The following SLC35F4 variants were observed in gnomAD, a reference collection of about 807,000 sequenced individuals.
SLC35F4 encodes chromosome 14 open reading frame 36.
SLC35F4 carries 24 observed loss-of-function variants against 44.2 expected under a neutral mutation model. The observed-to-expected ratio is 0.54, with a 90% CI of 0.39 to 0.76. SLC35F4 has a LOEUF of 0.76. SLC35F4 is among the 30% of genes least tolerant of loss of function. The probability of loss-of-function intolerance (pLI) is 0.00; values close to 1 mark genes in which losing one functional copy is unlikely to be tolerated. For synonymous variants in SLC35F4, 238 were observed against 223.6 expected (o/e 1.06, Z -0.57); for missense variants, 562 against 586.1 (o/e 0.96, Z 0.42).
intron 1 of SLC35F4, among the ~76,000 whole-genome samples, chr14:57,720,361 G>A (rs2076053191): frequency 6.6e-6 from 1 of 152,064 alleles, no homozygotes; most frequent in African/African-American, 2.4e-5. Flanking sequence ...TGAGTTTGGA[G>A]TATTCCTTCC....
intron 1 of SLC35F4, among the ~76,000 whole-genome samples, chr14:57,943,836 T>C (rs542209346): frequency 6.6e-6 from 1 of 152,336 alleles, no homozygotes; most frequent in East Asian, 1.9e-4. Context: ...TCACTCTGCA[T>C]CATCTCTGTA....
intron 1 of SLC35F4, among the ~76,000 whole-genome samples, chr14:57,895,922 G>A (rs1888860113): frequency 1.3e-5 from 2 of 152,046 alleles, no homozygotes; most frequent in African/African-American, 2.4e-5. Flanking sequence ...TCACACTGAT[G>A]GAAGGTAGTA....
chr14:57,917,552 A>G (rs1273341198), intron 1 of SLC35F4, among the ~76,000 whole-genome samples: 1 of 152,048 alleles, frequency 6.6e-6, no homozygotes, highest in Non-Finnish European at 1.5e-5. Flanking sequence ...ATTTTACTGA[A>G]AGGCAGACAT....
At chr14:57,570,162 CATATGAA>C (rs1354303552) in intron 5 of SLC35F4, among the ~76,000 whole-genome samples, 182 bp from the exon 6 acceptor site, 1 of 152,186 alleles carries the variant, frequency 6.6e-6, no homozygotes, top group African/African-American at 2.4e-5. Context: ...CCATAGCCTT[CATATGAA>C]ATAGCAAATG....
chr14:57,910,861 CA>C (rs1254915667), intron 1 of SLC35F4, among the ~76,000 whole-genome samples: 1 of 151,816 alleles, frequency 6.6e-6, no homozygotes, highest in Non-Finnish European at 1.5e-5. Flanking sequence ...TAAAGTTGGA[CA>C]AAAAGTGACA....
chr14:57,946,047 G>A (rs780018738), intron 1 of SLC35F4, among the ~76,000 whole-genome samples: 4 of 152,100 alleles, frequency 2.6e-5, no homozygotes, highest in Non-Finnish European at 2.9e-5. Context: ...CGCATAGTTT[G>A]CAAATAATTT....
At chr14:57,613,446 A>G (rs1223492488) in intron 1 of SLC35F4, among the ~76,000 whole-genome samples, 39 of 152,146 alleles carry the variant, frequency 2.6e-4, no homozygotes, top group Admixed American at 2.6e-3. Context: ...GTCCTCCCCC[A>G]ACAATGGGTC....
At chr14:57,815,613 C>T (rs1379256836) in intron 1 of SLC35F4, among the ~76,000 whole-genome samples, 2 of 152,176 alleles carry the variant, frequency 1.3e-5, no homozygotes, top group African/African-American at 4.8e-5. Context: ...ACCTCTGATG[C>T]TTGCCTAGCT....
At chr14:57,580,610 C>A in intron 4 of SLC35F4, 1 of 256,970 alleles carries the variant, frequency 3.9e-6, no homozygotes, top group South Asian at 3.7e-5. Context: ...AAGGAATAAA[C>A]TCAGAACTGA....
chr14:57,937,582 AAAAGAAAGAAAAGAAAAGAAAAG>A lies in SLC35F4; in HGVS notation n.282+44308_282+44330del, dbSNP rs1490544192. On this transcript the variant is annotated intron_variant and non_coding_transcript_variant, in intron 1 of 1. Transcript: ENST00000556568. ...AAGAAAAGAAAAGAAAAGAGAAAAG[AAAAGAAAGAAAAGAAAAGAAAAG>A]AAAAGAAAAGAAAAGAAAAGAAAAG... 1.1e-4 allele frequency among the ~76,000 whole-genome samples: 13 copies of A among 118,216 alleles called. No homozygotes were observed. The South Asian group carries it at 3.5e-3, about 32-fold the overall frequency. 77.6% of individuals were successfully genotyped at this position (118,216 alleles called of 152,430 possible).
At chr14:57,777,268 C>T (rs1291537578) in intron 1 of SLC35F4, among the ~76,000 whole-genome samples, 1 of 152,178 alleles carries the variant, frequency 6.6e-6, no homozygotes, top group African/African-American at 2.4e-5. Context: ...CCAGCCATCC[C>T]ATTACTGGGT....
At chr14:57,774,323 C>A (rs4901816) in intron 1 of SLC35F4, among the ~76,000 whole-genome samples, 1 of 151,962 alleles carries the variant, frequency 6.6e-6, no homozygotes, top group African/African-American at 2.4e-5. Flanking sequence ...CACTCTCACC[C>A]TGAGCCTCTG....
At chr14:57,648,312 T>C (rs1300611024) in intron 1 of SLC35F4, among the ~76,000 whole-genome samples, 1 of 152,190 alleles carries the variant, frequency 6.6e-6, no homozygotes, top group African/African-American at 2.4e-5. Context: ...TAACTGTTCA[T>C]GTATTAACAA....
At chr14:57,958,395 G>A (rs1890280153) in intron 1 of SLC35F4, among the ~76,000 whole-genome samples, 2 of 152,142 alleles carry the variant, frequency 1.3e-5, no homozygotes, top group African/African-American at 4.8e-5. Flanking sequence ...TCAGTGAAAG[G>A]AGCCAGTCAC....
intron 1 of SLC35F4, among the ~76,000 whole-genome samples, chr14:57,726,549 A>G (rs764534696): frequency 3.3e-5 from 5 of 152,188 alleles, no homozygotes; most frequent in Non-Finnish European, 7.3e-5. Context: ...ACTTCATATC[A>G]GCATTTAAGT....
chr14:57,645,412 G>A (rs886292285), intron 1 of SLC35F4, among the ~76,000 whole-genome samples: 44 of 151,976 alleles, frequency 2.9e-4, no homozygotes, highest in Non-Finnish European at 4.4e-4. Context: ...TCATGATTTG[G>A]CTCTCTGTTT....
chr14:57,937,764 A>G (rs921598672), intron 1 of SLC35F4, among the ~76,000 whole-genome samples: 2 of 152,196 alleles, frequency 1.3e-5, no homozygotes, highest in African/African-American at 4.8e-5. Context: ...TCAAAGACCC[A>G]GGAACATACT....
At chr14:57,692,215 C>A (rs1402290069) in intron 1 of SLC35F4, among the ~76,000 whole-genome samples, 1 of 152,114 alleles carries the variant, frequency 6.6e-6, no homozygotes, top group Non-Finnish European at 1.5e-5. Context: ...CGAAGTTCTA[C>A]CGTGGAAGGA....
chr14:57,870,216 G>C (rs535307639), upstream of SLC35F4, among the ~76,000 whole-genome samples: 17 of 151,456 alleles, frequency 1.1e-4, no homozygotes, highest in African/African-American at 4.1e-4. Flanking sequence ...TTGTCTCTCT[G>C]AGTCTGTGTG....
Sources: gnomAD v4.1 joint callset for allele counts (sites outside exome capture counted in the v4.1 genomes callset) on GRCh38, gnomAD v4.1.1 for gene constraint, MANE v1.5 for transcripts, NCBI Gene and HGNC (gene_info 2026-07-23, HGNC 2026-07-21) for gene names.